The following INO80 variants were observed in gnomAD, a reference collection of about 807,000 sequenced individuals.
INO80 encodes the protein INO80 complex ATPase subunit.
In INO80, 20 loss-of-function variants were observed where a neutral mutation model predicts 203.4. That is an observed-to-expected ratio of 0.10 (90% confidence interval 0.07 to 0.14). INO80 has a LOEUF of 0.14. Among genes scored for constraint, INO80 ranks in the 10% least tolerant of loss-of-function variants. The pLI is 1.00. For missense variants in INO80, 1,419 were observed against 1,914.4 expected, an observed-to-expected ratio of 0.74 and a Z score of 4.83; for synonymous variants, 726 against 685.2, an observed-to-expected ratio of 1.06 and a Z score of -0.93.
chr15:41,051,499 C>A (rs2044870210), intron 19 of INO80, among the ~76,000 whole-genome samples: 1 of 151,046 alleles, frequency 6.6e-6, no homozygotes. Flanking sequence ...GATCACCTCT[C>A]TATGTAGCAC....
intron 1 of INO80, among the ~76,000 whole-genome samples, chr15:41,098,506 C>T (rs559579296): frequency 1.3e-5 from 2 of 152,010 alleles, no homozygotes; most frequent in East Asian, 3.9e-4. Context: ...GAGATCTCAT[C>T]TCTTCAAAAG....
At chr15:41,055,003 G>C (rs2044956966) in intron 18 of INO80, among the ~76,000 whole-genome samples, 1 of 152,140 alleles carries the variant, frequency 6.6e-6, no homozygotes, top group South Asian at 2.1e-4. Context: ...AATACTTTAT[G>C]AATCAAGCCT....
chr15:41,027,161 T>C (rs1364444283), intron 25 of INO80, among the ~76,000 whole-genome samples: 1 of 152,258 alleles, frequency 6.6e-6, no homozygotes, highest in African/African-American at 2.4e-5. Context: ...TTTCCTTTTG[T>C]TATCTGGAGA....
chr15:41,025,608 G>A (rs944659608), intron 25 of INO80, among the ~76,000 whole-genome samples: 4 of 152,110 alleles, frequency 2.6e-5, no homozygotes, highest in African/African-American at 7.2e-5. Flanking sequence ...CCAGCTACCT[G>A]GGGGGCTGAG....
At chr15:41,058,904 A>C in intron 15 of INO80, 123 bp from the exon 16 acceptor site, 1 of 853,744 alleles carries the variant, frequency 1.2e-6, no homozygotes, top group Non-Finnish European at 1.8e-6. Context: ...TGCTTCTCCC[A>C]TATGGTAGGG....
At chr15:41,002,624 A>G (rs1047450094) in intron 28 of INO80, among the ~76,000 whole-genome samples, 13 of 152,246 alleles carry the variant, frequency 8.5e-5, no homozygotes, top group African/African-American at 2.9e-4. Flanking sequence ...AAATATACAT[A>G]GTCTTAAATG....
At position 41,048,100 on chromosome 15, in the gene INO80, G is replaced by T. The variant is rs535834356; in HGVS notation, c.2641+112C>A. The T allele has an allele frequency of 2.8e-5, 19 of 688,296 alleles. No individual in the cohort carries two copies. The East Asian group carries it at 4.1e-4, about 15-fold the overall frequency. The allele number at this position is 688,296 out of a possible 1,614,324, so 42.6% of individuals were successfully genotyped here. On this transcript the variant is annotated intron_variant, in intron 22 of 35. Transcript: ENST00000648947. Reference sequence around the variant, plus strand: ...TCTTATCAAGATTTTATAAATAAGGGCCTACCATATAGGCAAAACTAATAC... The same window carrying T: ...TCTTATCAAGATTTTATAAATAAGGTCCTACCATATAGGCAAAACTAATAC...
At chr15:40,988,051 T>C (rs1220337927) in intron 29 of INO80, 77 bp from the exon 30 acceptor site, 22 of 1,311,900 alleles carry the variant, frequency 1.7e-5, no homozygotes, top group African/African-American at 2.9e-5. Flanking sequence ...GCCAATTGTC[T>C]GTTTGCGAGT....
At chr15:41,031,182 G>A (rs561931010) in intron 24 of INO80, among the ~76,000 whole-genome samples, 1 of 151,924 alleles carries the variant, frequency 6.6e-6, no homozygotes, top group Non-Finnish European at 1.5e-5. Context: ...CTTAACATTA[G>A]TTCCATCAAA....
At chr15:41,100,139 A>C (rs918619887) in intron 1 of INO80, among the ~76,000 whole-genome samples, 8 of 152,020 alleles carry the variant, frequency 5.3e-5, no homozygotes, top group Admixed American at 2.0e-4. Flanking sequence ...CTGTGGCCCA[A>C]TCTCGGCTCA....
Position 41,092,152 on chromosome 15 carries a change from C to T in INO80, c.412G>A (p.Ala138Thr). Residue 138 changes from alanine to threonine, a missense_variant, in exon 5 of 36, where the codon GCT becomes ACT. By Grantham distance (58) the Ala-to-Thr change is moderately conservative. Coordinates refer to ENST00000648947, the MANE Select transcript of INO80 (RefSeq NM_017553.3). ...TCATCGTCTTCACTCTGAGAATCAG[C>T]CTCGCTGGATTCATCACTTAGCAGA... Reference protein sequence around the residue: ...SILLSDESSEADSQSEDDDEE... With the variant: ...SILLSDESSETDSQSEDDDEE... 6.2e-7 allele frequency: 1 copy of T among 1,608,152 alleles called. No individual in the cohort carries two copies. The highest frequency in any genetic ancestry group is 8.5e-7 in the Non-Finnish European group (1 of 1,175,300).
At chr15:40,990,045 T>C (rs770230145) in intron 29 of INO80, among the ~76,000 whole-genome samples, 5 of 152,112 alleles carry the variant, frequency 3.3e-5, no homozygotes, top group African/African-American at 4.8e-5. Context: ...TTAGAAATAA[T>C]AATGGCTAAA....
chr15:41,041,571 G>A (rs2044668626), intron 24 of INO80, among the ~76,000 whole-genome samples: 1 of 151,628 alleles, frequency 6.6e-6, no homozygotes, highest in African/African-American at 2.4e-5. Context: ...CTCCCTAGTA[G>A]TTGGGATTAC....
At position 40,992,251 on chromosome 15, in the gene INO80, C is replaced by T. The variant is rs373938902; in HGVS notation, c.3571-4277G>A. Among the ~76,000 whole-genome samples, 5 of 152,344 alleles carry T rather than the reference C, an allele frequency of 3.3e-5. No homozygotes were observed. The South Asian group carries it at 6.2e-4, about 19-fold the overall frequency. On this transcript the variant is annotated intron_variant, in intron 29 of 35. Coordinates refer to ENST00000648947, the MANE Select transcript of INO80 (RefSeq NM_017553.3). ...AAGGGAGAAAAGCTCTTCATTCTCA[C>T]TACACATAAGCATTTAAAACAGGTC...
At chr15:40,989,343 C>G (rs2043786623) in intron 29 of INO80, among the ~76,000 whole-genome samples, 1 of 152,198 alleles carries the variant, frequency 6.6e-6, no homozygotes, top group Non-Finnish European at 1.5e-5. Flanking sequence ...AAATTAACAA[C>G]AAAATATATC....
chr15:41,033,590 G>C (rs1037990558), intron 24 of INO80, among the ~76,000 whole-genome samples: 2 of 152,120 alleles, frequency 1.3e-5, no homozygotes, highest in African/African-American at 4.8e-5. Flanking sequence ...GAAGGTGTGC[G>C]AAAGTTCTGA....
intron 24 of INO80, among the ~76,000 whole-genome samples, chr15:41,041,669 C>G (rs2044670164): frequency 6.6e-6 from 1 of 152,070 alleles, no homozygotes; most frequent in East Asian, 1.9e-4. Flanking sequence ...TCTTGAACTC[C>G]TGACCTCAGG....
intron 16 of INO80, among the ~76,000 whole-genome samples, chr15:41,057,878 T>TAA (rs1380840768): frequency 6.6e-6 from 1 of 151,170 alleles, no homozygotes; most frequent in African/African-American, 2.4e-5. Context: ...TCTAGCCAGT[T>TAA]AACATGGACC....
Position 41,085,468 on chromosome 15 carries a change from T to C in INO80, c.774A>G (p.Ala258=), listed in dbSNP as rs1484630242. ...GCTTTTTCTTAGTGCCAGGGGGAGG[T>C]GCATCGTGAGAAAACTTGGCAAAGA... ...TKVFAKFSHD[A]PPPGTKKKHL... Residue 258 remains alanine (A), a synonymous_variant, in exon 7 of 36, where the codon GCA becomes GCG. Transcript: ENST00000648947. 2 of 1,613,870 alleles carry C rather than the reference T, an allele frequency of 1.2e-6. No individual in the cohort carries two copies. The highest frequency in any genetic ancestry group is 2.7e-5 in the African/African-American group (2 of 74,838).
Sources: allele counts gnomAD v4.1 joint callset (sites outside exome capture counted in the v4.1 genomes callset), GRCh38; gene constraint gnomAD v4.1.1; transcripts MANE v1.5; gene names NCBI Gene and HGNC (gene_info 2026-07-23, HGNC 2026-07-21).